SOX5: variants seen among roughly 807,000 people sequenced by gnomAD.
SOX5 encodes transcription factor SOX-5.
In SOX5, 9 loss-of-function variants were observed where a neutral mutation model predicts 92.0. That is an observed-to-expected ratio of 0.10 (90% CI 0.06 to 0.17). The LOEUF is 0.17. Among genes scored for constraint, SOX5 ranks in the 10% least tolerant of loss-of-function variants. SOX5 has a pLI of 1.00. For synonymous variants in SOX5, 344 were observed against 336.3 expected (o/e 1.02, Z -0.25); for missense variants, 642 against 944.5 (o/e 0.68, Z 4.20).
intron 1 of SOX5, among the ~76,000 whole-genome samples, chr12:23,899,692 T>C (rs1303710642): frequency 6.6e-6 from 1 of 152,230 alleles, no homozygotes; most frequent in African/African-American, 2.4e-5. Flanking sequence ...GCTCACTTTG[T>C]GGTCAAAAAA....
At chr12:23,722,276 A>G (rs2092861348) in intron 6 of SOX5, among the ~76,000 whole-genome samples, 2 of 152,222 alleles carry the variant, frequency 1.3e-5, no homozygotes, top group South Asian at 2.1e-4. Flanking sequence ...ATTTTATTAT[A>G]TAACTATGAT....
At chr12:23,589,894 T>C (rs931112446) in intron 9 of SOX5, among the ~76,000 whole-genome samples, 1 of 152,028 alleles carries the variant, frequency 6.6e-6, no homozygotes, top group African/African-American at 2.4e-5. Context: ...CTAAGGATGA[T>C]TAAGCTATAA....
chr12:24,533,901 G>A (rs1951406543), intron 1 of SOX5, among the ~76,000 whole-genome samples: 4 of 152,176 alleles, frequency 2.6e-5, no homozygotes, highest in Admixed American at 2.6e-4. Context: ...TCGTTAGTGT[G>A]CACGCTGTGA....
chr12:23,999,474 G>A (rs1027508419), intron 4 of SOX5, among the ~76,000 whole-genome samples: 23 of 152,086 alleles, frequency 1.5e-4, no homozygotes, highest in African/African-American at 5.3e-4. Flanking sequence ...CACAAGAAGG[G>A]TAATAATCTG....
chr12:24,140,516 G>A (rs1950493831), intron 4 of SOX5, among the ~76,000 whole-genome samples: 1 of 152,134 alleles, frequency 6.6e-6, no homozygotes, highest in Non-Finnish European at 1.5e-5. Context: ...TGAAGAAATT[G>A]ATGCCAATGA....
chr12:23,784,161 T>C (rs2095335586), intron 3 of SOX5, among the ~76,000 whole-genome samples: 1 of 152,132 alleles, frequency 6.6e-6, no homozygotes, highest in Non-Finnish European at 1.5e-5. Context: ...GTGGGAAGAC[T>C]TGGCTCATTG....
intron 6 of SOX5, among the ~76,000 whole-genome samples, chr12:23,672,526 G>A (rs945106113): frequency 1.3e-5 from 2 of 152,076 alleles, no homozygotes; most frequent in Non-Finnish European, 2.9e-5. Context: ...ACCACAGAGA[G>A]GTGAAGATAG....
intron 1 of SOX5, among the ~76,000 whole-genome samples, chr12:24,459,708 C>A (rs1943411620): frequency 1.3e-5 from 2 of 151,970 alleles, no homozygotes; most frequent in Non-Finnish European, 2.9e-5. Context: ...TGTATTAATA[C>A]CTAAAGATGA....
At chr12:24,507,145 A>G (rs1948875106) in intron 1 of SOX5, among the ~76,000 whole-genome samples, 1 of 152,076 alleles carries the variant, frequency 6.6e-6, no homozygotes, top group African/African-American at 2.4e-5. Flanking sequence ...ACAACCCTTA[A>G]TGAAATAATT....
chr12:24,141,663 C>T (rs544087391), intron 4 of SOX5, among the ~76,000 whole-genome samples: 2 of 152,188 alleles, frequency 1.3e-5, no homozygotes, highest in South Asian at 4.2e-4. Context: ...TCCTAATACA[C>T]ACAAATGAAA....
At chr12:24,060,979 A>T (rs1939572695) in intron 4 of SOX5, among the ~76,000 whole-genome samples, 2 of 152,158 alleles carry the variant, frequency 1.3e-5, no homozygotes, top group Non-Finnish European at 2.9e-5. Context: ...TTTTATGATC[A>T]AACATATTCA....
intron 4 of SOX5, among the ~76,000 whole-genome samples, chr12:23,960,514 CATATAT>C (rs61480895): frequency 2.8e-5 from 3 of 106,964 alleles, no homozygotes; most frequent in Admixed American, 2.3e-4. Flanking sequence ...TATTTATATA[CATATAT>C]ATATATATAC....
chr12:24,400,213 A>G (rs1484731278), intron 1 of SOX5, among the ~76,000 whole-genome samples: 2 of 152,244 alleles, frequency 1.3e-5, no homozygotes, highest in Non-Finnish European at 2.9e-5. Flanking sequence ...GAAACTTTCA[A>G]GATAGATGGC....
At chr12:24,267,601 G>A (rs1220018462) in intron 3 of SOX5, among the ~76,000 whole-genome samples, 1 of 152,094 alleles carries the variant, frequency 6.6e-6, no homozygotes, top group Non-Finnish European at 1.5e-5. Flanking sequence ...TAACTTTGCA[G>A]AAAGTACTAT....
At chr12:24,223,367 C>T (rs1307517240) in intron 3 of SOX5, 1 of 152,172 alleles carries the variant, frequency 6.6e-6, no homozygotes, top group Non-Finnish European at 1.5e-5. Context: ...TATTCATTGT[C>T]TTTGGATTTA....
intron 9 of SOX5, among the ~76,000 whole-genome samples, chr12:23,585,434 C>T (rs1437750867): frequency 1.3e-5 from 2 of 152,138 alleles, no homozygotes; most frequent in Non-Finnish European, 2.9e-5. Context: ...TAGGTCAGTA[C>T]ATCCAAACTA....
At chr12:23,736,685 TTC>T (rs1323021882) in intron 5 of SOX5, among the ~76,000 whole-genome samples, 3 of 148,562 alleles carry the variant, frequency 2.0e-5, no homozygotes, top group East Asian at 2.0e-4. Flanking sequence ...ATTTTGTTCT[TTC>T]TCTTTTTTTT....
chr12:23,698,697 G>A (rs74073224), intron 6 of SOX5, among the ~76,000 whole-genome samples: 106 of 152,006 alleles, frequency 7.0e-4, no homozygotes, highest in African/African-American at 2.3e-3. Flanking sequence ...TTTTTTGATC[G>A]AGTGATAAAA....
At chr12:24,528,756 G>A (rs914493524) in intron 1 of SOX5, among the ~76,000 whole-genome samples, 7 of 152,138 alleles carry the variant, frequency 4.6e-5, no homozygotes, top group Non-Finnish European at 1.0e-4. Context: ...TGGATCTAGA[G>A]GAAGCATTTA....
Sources: allele counts gnomAD v4.1 joint callset (sites outside exome capture counted in the v4.1 genomes callset), GRCh38; gene constraint gnomAD v4.1.1; transcripts MANE v1.5; gene names NCBI Gene and HGNC (gene_info 2026-07-23, HGNC 2026-07-21).